CLCA1: variants seen among roughly 807,000 people sequenced by gnomAD.
The protein encoded by CLCA1 is calcium-activated chloride channel regulator 1.
Under a neutral mutation model 85.6 loss-of-function variants are expected in CLCA1, and 59 were observed. The observed-to-expected ratio is 0.69, with a 90% CI of 0.56 to 0.86. The LOEUF (loss-of-function observed/expected upper bound fraction) is 0.86, where lower values mean the gene tolerates loss of function less well. Among genes scored for constraint, CLCA1 ranks in the 40% least tolerant of loss-of-function variants. The probability of loss-of-function intolerance (pLI) is 0.00; values close to 1 mark genes in which losing one functional copy is unlikely to be tolerated. For missense variants in CLCA1, 1,022 were observed against 1,101.4 expected (o/e 0.93, Z 1.02); for synonymous variants, 396 against 398.3 (o/e 0.99, Z 0.07).
rs558381791 is a variant in CLCA1, at chr1:86,489,244, G to T, written c.1357+74G>T. The T allele has an allele frequency of 1.4e-5, 20 of 1,414,334 alleles. No homozygotes were observed. The African/African-American group carries it at 2.9e-4, about 20-fold the overall frequency. The allele number at this position is 1,414,334 out of a possible 1,614,324, so 87.6% of individuals were successfully genotyped here. On this transcript the variant is annotated intron_variant, in intron 8 of 13. Transcript: ENST00000394711. ...TGTGAGCTCCAGTGAACTGGGGAGT[G>T]GGGGAAAGATGGGATGGAGAGAGAT...
intron 4 of CLCA1, among the ~76,000 whole-genome samples, chr1:86,481,432 C>T (rs184324321): frequency 1.1e-4 from 16 of 152,018 alleles, no homozygotes; most frequent in Admixed American, 2.0e-4. Flanking sequence ...AGTCACCACA[C>T]GCAGCCACAT....
At chr1:86,472,993 C>G (rs141821646) in intron 1 of CLCA1, among the ~76,000 whole-genome samples, 1 of 152,182 alleles carries the variant, frequency 6.6e-6, no homozygotes, top group African/African-American at 2.4e-5. Context: ...GCAAGTGAAA[C>G]GCATAGCTAA....
At chr1:86,498,844 A>G in intron 13 of CLCA1, 33 bp downstream of exon 13, 2 of 1,587,136 alleles carry the variant, frequency 1.3e-6, no homozygotes, top group Non-Finnish European at 1.7e-6. Flanking sequence ...CCTGTAAAAG[A>G]GTTTACCAGC....
At chr1:86,490,654 T>C (rs1648108802) in intron 8 of CLCA1, among the ~76,000 whole-genome samples, 1 of 152,220 alleles carries the variant, frequency 6.6e-6, no homozygotes, top group African/African-American at 2.4e-5. Flanking sequence ...GTAGATTTTA[T>C]GACATCAATT....
chr1:86,478,585 C>G (rs895753543), intron 4 of CLCA1, among the ~76,000 whole-genome samples: 21 of 152,348 alleles, frequency 1.4e-4, no homozygotes, highest in African/African-American at 4.8e-4. Context: ...TTTGACTTTT[C>G]AAACCCAGTG....
intron 4 of CLCA1, among the ~76,000 whole-genome samples, chr1:86,478,613 G>A (rs182016382): frequency 6.6e-6 from 1 of 152,236 alleles, no homozygotes; most frequent in Non-Finnish European, 1.5e-5. Context: ...TTCCAAACCT[G>A]ATATCTCTTT....
chr1:86,496,099 A>C (rs1188041226), intron 12 of CLCA1, among the ~76,000 whole-genome samples: 1 of 152,198 alleles, frequency 6.6e-6, no homozygotes, highest in African/African-American at 2.4e-5. Flanking sequence ...TAAGGATAAT[A>C]ATGGCAGCTA....
chr1:86,487,318 C>A (rs1648008731), intron 7 of CLCA1, among the ~76,000 whole-genome samples: 1 of 152,154 alleles, frequency 6.6e-6, no homozygotes, highest in South Asian at 2.1e-4. Flanking sequence ...TGTGCTGTAC[C>A]AAACCCTTGC....
intron 3 of CLCA1, among the ~76,000 whole-genome samples, chr1:86,476,019 G>A (rs887007555): frequency 3.3e-5 from 5 of 152,208 alleles, no homozygotes; most frequent in Non-Finnish European, 7.3e-5. Flanking sequence ...CAGACCTTGA[G>A]GTCTGATGGG....
intron 4 of CLCA1, among the ~76,000 whole-genome samples, chr1:86,480,154 T>C (rs1251915230): frequency 1.3e-5 from 2 of 152,080 alleles, no homozygotes; most frequent in Admixed American, 1.3e-4. Context: ...CATTCAATCA[T>C]TGAAAAATAT....
At chr1:86,476,775 C>T (rs1178778730) in intron 4 of CLCA1, among the ~76,000 whole-genome samples, 1 of 148,060 alleles carries the variant, frequency 6.8e-6, no homozygotes, top group Admixed American at 6.7e-5. Flanking sequence ...CATTTGCCTC[C>T]TTTTTTCTTT....
Position 86,499,828 on chromosome 1 carries a change from C to A in CLCA1, c.2528C>A (p.Ala843Asp). 1 of 1,612,726 alleles carries A rather than the reference C, an allele frequency of 6.2e-7. No individual in the cohort carries two copies. Among genetic ancestry groups the A allele is most frequent in the Non-Finnish European group, 8.5e-7 (1 of 1,178,674 alleles). The change falls in exon 14 of 14, where the codon GCT becomes GAT. Residue 843 changes from alanine to aspartate, a missense_variant. Physicochemically the swap from Ala to Asp is moderately radical, Grantham distance 126. Transcript: ENST00000394711. ...TFENGTDLFI[A>D]IQAVDKVDLK... ...GAAAATGGCACAGATCTTTTCATTGCTATTCAGGCTGTTGATAAGGTCGAT... is the reference window on the plus strand; with the variant it reads ...GAAAATGGCACAGATCTTTTCATTGATATTCAGGCTGTTGATAAGGTCGAT...
At position 86,486,017 on chromosome 1, in the gene CLCA1, G is replaced by GGAGAGAGAGAGA. The variant is rs35497869; in HGVS notation, c.954+470_954+481dup. Among the ~76,000 whole-genome samples the GGAGAGAGAGAGA allele has an allele frequency of 4.3e-3, 627 of 147,378 alleles. 10 individuals carry two copies. Among genetic ancestry groups the GGAGAGAGAGAGA allele is most frequent in the African/African-American group, 0.012 (496 of 39,926 alleles). On this transcript the variant is annotated intron_variant, in intron 6 of 13. Transcript: ENST00000394711. ...GGCAGGCATGTCTTACATGGCAGCAGGAGAGAGAGAGAGAGAGAGAGAGAG... is the reference window on the plus strand; with the variant it reads ...GGCAGGCATGTCTTACATGGCAGCAGGAGAGAGAGAGAGAGAGAGAGAGAGAGAGAGAGAGAG...
intron 7 of CLCA1, among the ~76,000 whole-genome samples, chr1:86,488,004 A>G (rs2101741078): frequency 6.6e-6 from 1 of 152,336 alleles, no homozygotes; most frequent in African/African-American, 2.4e-5. Context: ...TTGACACAGC[A>G]ACAGCAACAG....
Position 86,489,127 on chromosome 1 carries a change from G to A in CLCA1, c.1314G>A (p.Gly438=), listed in dbSNP as rs765312362. The A allele has an allele frequency of 1.3e-5, 21 of 1,614,076 alleles. No homozygotes were observed. The highest frequency in any genetic ancestry group is 1.3e-5 in the African/African-American group (1 of 75,026). The change falls in exon 8 of 14, where the codon GGG becomes GGA. Residue 438 remains glycine (G), a synonymous_variant. Transcript: ENST00000394711. ...CCATCATCCACACAGTCGCTTTGGG[G>A]CCCTCTGCAGCTCAAGAACTAGAGG... ...SGAIIHTVAL[G]PSAAQELEEL...
At chr1:86,498,444 A>T in intron 12 of CLCA1, 128 bp from the exon 13 acceptor site, 1 of 776,046 alleles carries the variant, frequency 1.3e-6, no homozygotes, top group Non-Finnish European at 1.9e-6. Flanking sequence ...ATTTAAAATT[A>T]ATTCTGTGTG....
At position 86,495,576 on chromosome 1, in the gene CLCA1, A is replaced by C. The variant is rs2101747731; in HGVS notation, c.2014A>C (p.Ser672Arg). 1 of 1,614,090 alleles carries C rather than the reference A, an allele frequency of 6.2e-7. No individual in the cohort carries two copies. The highest frequency in any genetic ancestry group is 8.5e-7 in the Non-Finnish European group (1 of 1,179,912). Residue 672 changes from serine to arginine, a missense_variant, in exon 12 of 14, where the codon AGT (serine) becomes CGT (arginine). Transcript: ENST00000394711. ...FTTYDTNGRY[S>R]VKVRALGGVN... ...AACTTATGACACGAATGGTAGATAC[A>C]GTGTAAAAGTGCGGGCTCTGGGAGG...
chr1:86,482,889 A>T (rs1291547465), intron 5 of CLCA1, among the ~76,000 whole-genome samples: 1 of 152,136 alleles, frequency 6.6e-6, no homozygotes, highest in Admixed American at 6.5e-5. Flanking sequence ...AAAATTCTTA[A>T]TTTTTTTAAT....
rs769855148 is a variant in CLCA1 at position 86,493,409 on chromosome 1, A to C, written c.1490A>C (p.Gln497Pro). 1 of 1,614,056 alleles carries C rather than the reference A, an allele frequency of 6.2e-7. No individual in the cohort carries two copies. The highest frequency in any genetic ancestry group is 8.5e-7 in the Non-Finnish European group (1 of 1,179,936). The change falls in exon 10 of 14, where the codon CAG (glutamine) becomes CCG (proline). Residue 497 changes from glutamine (Q) to proline (P), a missense_variant. Coordinates refer to ENST00000394711, the MANE Select transcript of CLCA1 (RefSeq NM_001285.4). ...CTTGAGAGTAAGGGATTAACCCTCC[A>C]GAACAGCCAGTGGATGAATGGCACA... is the stretch of plus-strand genomic sequence containing the variant. ...IQLESKGLTLQNSQWMNGTVI... is the reference protein window; with the variant it reads ...IQLESKGLTLPNSQWMNGTVI...
Sources: allele counts gnomAD v4.1 joint callset (sites outside exome capture counted in the v4.1 genomes callset), GRCh38; gene constraint gnomAD v4.1.1; transcripts MANE v1.5; gene names NCBI Gene and HGNC (gene_info 2026-07-23, HGNC 2026-07-21).